Variants in NTN1 observed in about 807,000 individuals in gnomAD.
The protein encoded by NTN1 is netrin-1.
In NTN1, 11 loss-of-function variants were observed where a neutral mutation model predicts 54.2. The observed-to-expected ratio is 0.20, with a 90% CI of 0.13 to 0.34. NTN1 has a LOEUF of 0.34. Ranked by LOEUF, NTN1 falls within the 10% of genes least tolerant of loss-of-function variation. NTN1 has a pLI of 1.00. For synonymous variants in NTN1, 371 were observed against 382.0 expected (o/e 0.97, Z 0.33); for missense variants, 740 against 893.1 (o/e 0.83, Z 2.18).
chr17:9,183,093 G>A (rs1177438806), intron 5 of NTN1, 124 bp downstream of exon 5: 13 of 962,400 alleles, frequency 1.4e-5, no homozygotes, highest in African/African-American at 4.9e-5. Context: ...GCTCTGCTCC[G>A]TATGAGTGGC....
intron 2 of NTN1, among the ~76,000 whole-genome samples, chr17:9,069,960 A>G (rs2092027201): frequency 6.6e-6 from 1 of 152,198 alleles, no homozygotes; most frequent in African/African-American, 2.4e-5. Context: ...ACCAGTGGGT[A>G]GCCTTCGGGA....
At chr17:9,043,589 T>G (rs75364521) in intron 2 of NTN1, among the ~76,000 whole-genome samples, 1 of 152,024 alleles carries the variant, frequency 6.6e-6, no homozygotes, top group Non-Finnish European at 1.5e-5. Context: ...TTTTTTTTTT[T>G]GGTTGAGATG....
chr17:9,112,753 G>A (rs1396313999), intron 2 of NTN1, among the ~76,000 whole-genome samples: 5 of 149,270 alleles, frequency 3.3e-5, no homozygotes, highest in Non-Finnish European at 4.5e-5. Flanking sequence ...TGAACGCTGC[G>A]GGGTGGAGCC....
intron 3 of NTN1, among the ~76,000 whole-genome samples, chr17:9,164,966 G>A (rs1442076022): frequency 6.6e-6 from 1 of 152,174 alleles, no homozygotes; most frequent in Non-Finnish European, 1.5e-5. Context: ...TAGTTGGAAG[G>A]TATCCAGCTC....
At chr17:9,204,563 G>A (rs572006833) in intron 5 of NTN1, among the ~76,000 whole-genome samples, 4 of 152,310 alleles carry the variant, frequency 2.6e-5, no homozygotes, top group South Asian at 4.1e-4. Context: ...CCAAAGTGTC[G>A]GGATTACAGG....
intron 2 of NTN1, among the ~76,000 whole-genome samples, chr17:9,154,318 G>A (rs938622611): frequency 1.3e-5 from 2 of 152,256 alleles, no homozygotes; most frequent in African/African-American, 2.4e-5. Context: ...AATGCACCAG[G>A]TAGGGGCTCA....
intron 2 of NTN1, among the ~76,000 whole-genome samples, chr17:9,042,554 C>T (rs751743894): frequency 3.3e-5 from 5 of 151,098 alleles, no homozygotes; most frequent in Admixed American, 6.6e-5. Context: ...TTTGGGAGGC[C>T]GAGGCGGGCA....
intron 2 of NTN1, among the ~76,000 whole-genome samples, chr17:9,065,408 TGG>T (rs2142210993): frequency 6.6e-6 from 1 of 152,326 alleles, no homozygotes; most frequent in Non-Finnish European, 1.5e-5. Flanking sequence ...TGTCTGCTCT[TGG>T]CTGGTTCTTT....
intron 5 of NTN1, among the ~76,000 whole-genome samples, chr17:9,202,111 C>CGG (rs1904816381): frequency 7.0e-6 from 1 of 141,876 alleles, no homozygotes; most frequent in Middle Eastern, 4.0e-3. Flanking sequence ...TATGGTGGTA[C>CGG]GCACCTGTAG....
intron 3 of NTN1, among the ~76,000 whole-genome samples, chr17:9,178,178 C>T (rs2092406344): frequency 6.6e-6 from 1 of 152,200 alleles, no homozygotes; most frequent in African/African-American, 2.4e-5. Context: ...GCCTGGGCAA[C>T]AAGAGTGAAA....
intron 5 of NTN1, among the ~76,000 whole-genome samples, chr17:9,190,922 G>T (rs2142327434): frequency 6.6e-6 from 1 of 152,222 alleles, no homozygotes; most frequent in South Asian, 2.1e-4. Flanking sequence ...AGTTGTGACT[G>T]TGAGTCAGTG....
chr17:9,168,012 T>C (rs918880796), intron 3 of NTN1, among the ~76,000 whole-genome samples: 1 of 152,026 alleles, frequency 6.6e-6, no homozygotes, highest in African/African-American at 2.4e-5. Context: ...GCATTTGGAA[T>C]TGGAAAAGCT....
chr17:9,082,047 C>T (rs1310900647), intron 2 of NTN1, among the ~76,000 whole-genome samples: 3 of 152,054 alleles, frequency 2.0e-5, no homozygotes, highest in African/African-American at 7.2e-5. Flanking sequence ...TATCTGGGTT[C>T]AAAATCTTGT....
chr17:9,144,337 A>G (rs563738861), intron 2 of NTN1, among the ~76,000 whole-genome samples: 2 of 151,966 alleles, frequency 1.3e-5, no homozygotes, highest in South Asian at 4.2e-4. Context: ...AACATCAACT[A>G]CTGTTCCCCT....
chr17:9,076,456 G>A (rs1366400462), intron 2 of NTN1, among the ~76,000 whole-genome samples: 1 of 152,188 alleles, frequency 6.6e-6, no homozygotes, highest in African/African-American at 2.4e-5. Flanking sequence ...CACTACAGCT[G>A]TGAGCTCCTG....
chr17:9,186,565 C>T (rs1457313216), intron 5 of NTN1, among the ~76,000 whole-genome samples: 1 of 152,206 alleles, frequency 6.6e-6, no homozygotes, highest in Non-Finnish European at 1.5e-5. Flanking sequence ...CTAACTGCCC[C>T]AGCAGCCCCA....
At chr17:9,123,716 A>G (rs944271696) in intron 2 of NTN1, among the ~76,000 whole-genome samples, 19 of 151,696 alleles carry the variant, frequency 1.3e-4, no homozygotes, top group African/African-American at 4.6e-4. Flanking sequence ...CCAGTGTGTC[A>G]TTTTCTCTCC....
intron 2 of NTN1, among the ~76,000 whole-genome samples, chr17:9,114,158 A>ATATATATATATATATATATATAT (rs1224438013): frequency 1.1e-5 from 1 of 95,066 alleles, no homozygotes; most frequent in Admixed American, 9.8e-5. Context: ...AAAAAGAAAA[A>ATATATATATATATATATATATAT]AAAAAAAAAT....
At chr17:9,140,947 G>T (rs1271773944) in intron 2 of NTN1, among the ~76,000 whole-genome samples, 1 of 152,190 alleles carries the variant, frequency 6.6e-6, no homozygotes, top group Non-Finnish European at 1.5e-5. Context: ...TTAGGTAATG[G>T]GGTCAGGGGA....
Sources: gnomAD v4.1 joint callset for allele counts (sites outside exome capture counted in the v4.1 genomes callset) on GRCh38, gnomAD v4.1.1 for gene constraint, MANE v1.5 for transcripts, NCBI Gene and HGNC (gene_info 2026-07-23, HGNC 2026-07-21) for gene names.